SLC25A21: variants seen among roughly 807,000 people sequenced by gnomAD.
The protein encoded by SLC25A21 is mitochondrial 2-oxodicarboxylate carrier.
A neutral mutation model predicts 43.8 loss-of-function variants in SLC25A21; 47 were observed. The observed-to-expected ratio is 1.07, with a 90% CI of 0.85 to 1.37. The LOEUF (loss-of-function observed/expected upper bound fraction) is 1.37. Among genes scored for constraint, SLC25A21 ranks in the 40% most tolerant of loss-of-function variants. SLC25A21 has a pLI of 0.00. For missense variants in SLC25A21, 352 were observed against 350.2 expected, an observed-to-expected ratio of 1.00 and a Z score of -0.04; for synonymous variants, 131 against 121.3, an observed-to-expected ratio of 1.08 and a Z score of -0.52.
intron 1 of SLC25A21, among the ~76,000 whole-genome samples, chr14:36,891,395 C>G (rs1891067698): frequency 6.6e-6 from 1 of 152,074 alleles, no homozygotes; most frequent in Non-Finnish European, 1.5e-5. Context: ...TCTGTATTCA[C>G]TCAGTGACTG....
chr14:37,045,440 G>GA (rs1322050358), intron 1 of SLC25A21, among the ~76,000 whole-genome samples: 18 of 151,858 alleles, frequency 1.2e-4, no homozygotes, highest in South Asian at 2.1e-4. Context: ...AACTGCTGGG[G>GA]AAAAAAAACT....
chr14:37,139,198 C>T (rs17106428), intron 1 of SLC25A21, among the ~76,000 whole-genome samples: 6,156 of 152,092 alleles, frequency 0.04, 436 homozygotes, highest in African/African-American at 0.14. Flanking sequence ...ATGAGGTCAT[C>T]TAAACATCTG....
intron 1 of SLC25A21, among the ~76,000 whole-genome samples, chr14:36,913,696 T>C (rs1406620894): frequency 4.6e-5 from 7 of 152,234 alleles, no homozygotes; most frequent in Non-Finnish European, 1.0e-4. Flanking sequence ...ACAAATGATA[T>C]GTTGTTAAAA....
intron 1 of SLC25A21, among the ~76,000 whole-genome samples, chr14:36,881,538 A>G: frequency 6.6e-6 from 1 of 152,194 alleles, no homozygotes; most frequent in East Asian, 1.9e-4. Flanking sequence ...TCAGAGATTT[A>G]GAATGCTTAC....
At chr14:37,058,808 C>T (rs572298998) in intron 1 of SLC25A21, among the ~76,000 whole-genome samples, 1 of 152,310 alleles carries the variant, frequency 6.6e-6, no homozygotes, top group African/African-American at 2.4e-5. Context: ...CTTTTCCACT[C>T]AGGAATGTAC....
chr14:37,027,145 G>A (rs1220354243), intron 1 of SLC25A21, among the ~76,000 whole-genome samples: 2 of 152,082 alleles, frequency 1.3e-5, no homozygotes, highest in African/African-American at 2.4e-5. Flanking sequence ...AAATACTGAT[G>A]CAATCTCATT....
At chr14:36,916,810 G>A (rs377675782) in intron 1 of SLC25A21, among the ~76,000 whole-genome samples, 2 of 151,986 alleles carry the variant, frequency 1.3e-5, no homozygotes, top group Non-Finnish European at 2.9e-5. Context: ...CCACCTGGAC[G>A]TTATATGGGC....
intron 1 of SLC25A21, among the ~76,000 whole-genome samples, chr14:37,079,918 A>G (rs1962352825): frequency 6.6e-6 from 1 of 152,150 alleles, no homozygotes; most frequent in South Asian, 2.1e-4. Context: ...ACAAGGGTGG[A>G]GCCTCATGAA....
Position 37,082,192 on chromosome 14 carries a change from T to G in SLC25A21, c.70+90089A>C, listed in dbSNP as rs1397792360. Among the ~76,000 whole-genome samples the G allele has an allele frequency of 2.0e-5, 3 of 152,004 alleles. No homozygotes were observed. The South Asian group carries it at 6.2e-4, about 32-fold the overall frequency. On this transcript the variant is annotated intron_variant, in intron 1 of 9. Transcript: ENST00000331299. The stretch of plus-strand genomic sequence containing the variant: ...GTGGGAGCTAAACATTGAGCACACA[T>G]AGACATAAATATAGGAACAACAGAC...
intron 1 of SLC25A21, among the ~76,000 whole-genome samples, chr14:36,925,846 C>CAAAACA (rs572737625): frequency 6.6e-6 from 1 of 151,814 alleles, no homozygotes; most frequent in African/African-American, 2.4e-5. Context: ...GACTCCATCT[C>CAAAACA]AAAACAAAAA....
intron 1 of SLC25A21, among the ~76,000 whole-genome samples, chr14:37,076,305 C>T (rs774516497): frequency 1.3e-4 from 19 of 151,438 alleles, no homozygotes; most frequent in East Asian, 3.9e-4. Context: ...GGATTACAGG[C>T]GTGCATCACC....
At chr14:37,017,167 T>G (rs991571814) in intron 1 of SLC25A21, among the ~76,000 whole-genome samples, 1 of 152,112 alleles carries the variant, frequency 6.6e-6, no homozygotes, top group Non-Finnish European at 1.5e-5. Flanking sequence ...TTGGCCTATC[T>G]TAGCTTTTGG....
At chr14:37,024,817 T>G (rs1443233685) in intron 1 of SLC25A21, among the ~76,000 whole-genome samples, 1 of 152,050 alleles carries the variant, frequency 6.6e-6, no homozygotes, top group African/African-American at 2.4e-5. Flanking sequence ...ATCCCATAAT[T>G]AATCTCCTTA....
rs1476140398 is a variant in SLC25A21, at chr14:36,725,920, TCAA to T, written c.331-246_331-244del. On this transcript the variant is annotated intron_variant, in intron 5 of 9. Coordinates refer to ENST00000331299, the MANE Select transcript of SLC25A21 (RefSeq NM_030631.4). ...TTCAAAATAAAATGTCAAAGCCCCA[TCAA>T]CAACGACTCTTTCCTTTAACAAAAA... Among the ~76,000 whole-genome samples, 4 of 152,066 alleles carry T rather than the reference TCAA, an allele frequency of 2.6e-5. No individual in the cohort carries two copies. In the East Asian group the frequency reaches 7.8e-4, roughly 30 times the overall value.
intron 1 of SLC25A21, among the ~76,000 whole-genome samples, chr14:37,060,279 A>G (rs2138810555): frequency 1.3e-5 from 2 of 151,884 alleles, no homozygotes; most frequent in Non-Finnish European, 2.9e-5. Context: ...TCAGATTTAC[A>G]GCCTCCAGAA....
chr14:36,987,769 G>T (rs1226200204), intron 1 of SLC25A21, among the ~76,000 whole-genome samples: 2 of 152,094 alleles, frequency 1.3e-5, no homozygotes, highest in Non-Finnish European at 2.9e-5. Context: ...CCACACCAAT[G>T]ATTATTTCCT....
chr14:37,102,185 A>C (rs1244442259), intron 1 of SLC25A21, among the ~76,000 whole-genome samples: 5 of 152,192 alleles, frequency 3.3e-5, no homozygotes, highest in African/African-American at 1.2e-4. Flanking sequence ...TCACGCCTGT[A>C]ATCCCAACAC....
chr14:36,720,172 A>G (rs768968639), intron 6 of SLC25A21, among the ~76,000 whole-genome samples: 16 of 152,150 alleles, frequency 1.1e-4, no homozygotes, highest in Admixed American at 2.0e-4. Flanking sequence ...CCTTTGTTCC[A>G]TCGCTGTCTC....
intron 3 of SLC25A21, among the ~76,000 whole-genome samples, chr14:36,773,832 C>A (rs1429476086): frequency 1.3e-5 from 2 of 152,202 alleles, no homozygotes; most frequent in Non-Finnish European, 2.9e-5. Flanking sequence ...TTGCCCATTA[C>A]ATCATCCATT....
Sources: allele counts gnomAD v4.1 joint callset (sites outside exome capture counted in the v4.1 genomes callset), GRCh38; gene constraint gnomAD v4.1.1; transcripts MANE v1.5; gene names NCBI Gene and HGNC (gene_info 2026-07-23, HGNC 2026-07-21).